The following SERINC2 variants were observed in gnomAD, a reference collection of about 807,000 sequenced individuals.
The protein encoded by SERINC2 is tumor differentially expressed protein 2.
In SERINC2, 56 loss-of-function variants were observed where a neutral mutation model predicts 54.2. The ratio of observed to expected loss-of-function variants is 1.03; its 90% CI spans 0.83 to 1.29. SERINC2 has a LOEUF of 1.29. Among genes scored for constraint, SERINC2 ranks in the 50% most tolerant of loss-of-function variants. SERINC2 has a pLI of 0.00. For missense variants in SERINC2, 614 were observed against 607.4 expected (o/e 1.01, Z -0.12); for synonymous variants, 272 against 253.1 (o/e 1.07, Z -0.71).
Position 31,419,367 on chromosome 1 carries a change from A to C in SERINC2, c.40-4326A>C, listed in dbSNP as rs143544594. Among the ~76,000 whole-genome samples the C allele has an allele frequency of 2.8e-4, 43 of 152,290 alleles. No individual in the cohort carries two copies. The East Asian group carries it at 6.7e-3, about 24-fold the overall frequency. ...AAGCTTATTTAAGTTTTTTCTTTAT[A>C]TAAAAATCTTTATTTTTATATTTGT... On this transcript the variant is annotated intron_variant, in intron 1 of 9. Coordinates refer to ENST00000373709, the MANE Select transcript of SERINC2 (RefSeq NM_178865.5).
chr1:31,425,558 G>A, intron 4 of SERINC2, 149 bp downstream of exon 4: 1 of 883,122 alleles, frequency 1.1e-6, no homozygotes, highest in Non-Finnish European at 1.8e-6. Flanking sequence ...AGACAGCACT[G>A]TGGTGCTTGG....
At chr1:31,430,824 A>C (rs377656035) in intron 8 of SERINC2, among the ~76,000 whole-genome samples, 1 of 152,074 alleles carries the variant, frequency 6.6e-6, no homozygotes, top group Non-Finnish European at 1.5e-5. Context: ...TTCTCCAAGC[A>C]CCACTTTCCA....
At chr1:31,422,112 A>G (rs2148516241) in intron 1 of SERINC2, among the ~76,000 whole-genome samples, 1 of 152,106 alleles carries the variant, frequency 6.6e-6, no homozygotes, top group African/African-American at 2.4e-5. Context: ...CAGTCTGGGC[A>G]ACGTGGTGAA....
intron 8 of SERINC2, among the ~76,000 whole-genome samples, chr1:31,432,075 C>G (rs112385787): frequency 0.081 from 1,043 of 12,824 alleles, 32 homozygotes; most frequent in Non-Finnish European, 0.085. Flanking sequence ...ACAGGGTGGA[C>G]AGGGTGGTTA....
rs2148515751 is a variant in SERINC2 at position 31,421,578 on chromosome 1, A to C, written c.40-2115A>C. 1.3e-5 allele frequency among the ~76,000 whole-genome samples: 2 copies of C among 152,294 alleles called. 1 individual carries two copies. The highest frequency in any genetic ancestry group is 4.1e-4 in the South Asian group (2 of 4,828). ...GAGCATTTCTAGTTTGGGGGAGAGT[A>C]AGAGGGGAGGCAGATGCCCGCCAGC... is the stretch of plus-strand genomic sequence containing the variant. On this transcript the variant is annotated intron_variant, in intron 1 of 9. Transcript: ENST00000373709.
At position 31,423,860 on chromosome 1, in the gene SERINC2, T is replaced by G. The variant is rs1553133094; in HGVS notation, c.201+6T>G. The G allele has an allele frequency of 6.2e-7, 1 of 1,613,218 alleles. No individual in the cohort carries two copies. The highest frequency in any genetic ancestry group is 2.2e-5 in the East Asian group (1 of 44,862). On this transcript the variant is annotated splice_donor_region_variant and intron_variant, in intron 2 of 9. Coordinates refer to ENST00000373709, the MANE Select transcript of SERINC2 (RefSeq NM_178865.5). ...TGGAGAGTCAGCTCTACAAGGTGAG[T>G]GCCCCAGGGGAGGCAGGGCGGCCTC...
chr1:31,432,102 C>CAGGGTGGAT (rs1641286003), intron 8 of SERINC2, among the ~76,000 whole-genome samples: 2 of 13,122 alleles, frequency 1.5e-4, no homozygotes, highest in East Asian at 3.0e-3. Context: ...ACAGGGTGGA[C>CAGGGTGGAT]AGGGTGGATA....
Position 31,432,961 on chromosome 1 carries a change from C to T in SERINC2, c.1014-6C>T. 6.2e-7 allele frequency: 1 copy of T among 1,604,704 alleles called. No individual in the cohort carries two copies. The highest frequency in any genetic ancestry group is 8.5e-7 in the Non-Finnish European group (1 of 1,176,214). ...CTATTTGCCCACCTTCCTCCCTCCC[C>T]TGCAGTCTGCGCTCCTCAGACCACC... On this transcript the variant is annotated splice_polypyrimidine_tract_variant and splice_region_variant and intron_variant, in intron 8 of 9. Transcript: ENST00000373709.
At chr1:31,431,918 T>TGGACAG (rs1553134591) in intron 8 of SERINC2, among the ~76,000 whole-genome samples, 1 of 142,904 alleles carries the variant, frequency 7.0e-6, no homozygotes, top group Admixed American at 7.0e-5. Flanking sequence ...GTGGATAGGG[T>TGGACAG]GGTTAGGGTG....
chr1:31,431,508 G>T (rs1367727637), intron 8 of SERINC2, among the ~76,000 whole-genome samples: 1 of 151,788 alleles, frequency 6.6e-6, no homozygotes, highest in Non-Finnish European at 1.5e-5. Context: ...AAGGAGCTTG[G>T]AACTCTTTCC....
intron 2 of SERINC2, among the ~76,000 whole-genome samples, chr1:31,424,179 C>G (rs781837864): frequency 6.6e-6 from 1 of 152,176 alleles, no homozygotes; most frequent in Non-Finnish European, 1.5e-5. Context: ...TGTTTTACAG[C>G]CTAGCACAGA....
Position 31,413,964 on chromosome 1 carries a change from C to G in SERINC2, c.39+660C>G. The G allele has an allele frequency of 6.5e-7, 1 of 1,528,932 alleles. No individual in the cohort carries two copies. 94.7% of individuals were successfully genotyped at this position (1,528,932 alleles called of 1,614,324 possible). ...AGTCTGGCTCGCGCTGCCTCTCAGG[C>G]ACTTCCCCAGCTCGCCCCGGATCAT... On this transcript the variant is annotated intron_variant, in intron 1 of 9. Transcript: ENST00000373709. This position sits in a 1 kb window ranked among gnomAD's most constrained non-coding sequence, Gnocchi z 5.0.
rs1219321129 is a variant in SERINC2, at chr1:31,414,135, T to G, written c.39+831T>G. The G allele has an allele frequency of 3.6e-5, 51 of 1,423,230 alleles. No individual in the cohort carries two copies. The East Asian group carries it at 4.1e-4, about 11-fold the overall frequency. 88.2% of individuals were successfully genotyped at this position (1,423,230 alleles called of 1,614,324 possible). On this transcript the variant is annotated intron_variant, in intron 1 of 9. Transcript: ENST00000373709. The stretch of plus-strand genomic sequence containing the variant: ...GCAGGAATCGAGGGAGGTTCGGGTG[T>G]GCGCGGGGAGTGCCCGGTCGCGGGT...
At chr1:31,429,128 C>G (rs1641125600) in intron 7 of SERINC2, 60 bp downstream of exon 7, 5 of 1,455,076 alleles carry the variant, frequency 3.4e-6, no homozygotes, top group Non-Finnish European at 4.8e-6. Context: ...TATCAGTCTA[C>G]TGTGGGGCTG....
chr1:31,413,687 C>T lies in SERINC2; in HGVS notation c.39+383C>T, dbSNP rs1469700897. ...TCCTCGGGGTGGCCTCTGTCCCCGT[C>T]CCGGACGCCCTGGTTCTCTGTGTAG... On this transcript the variant is annotated intron_variant, in intron 1 of 9. Coordinates refer to ENST00000373709, the MANE Select transcript of SERINC2 (RefSeq NM_178865.5). This position sits in a 1 kb window ranked among gnomAD's most constrained non-coding sequence, Gnocchi z 5.0. The T allele has an allele frequency of 9.1e-7, 1 of 1,095,706 alleles. No homozygotes were observed. Among genetic ancestry groups the T allele is most frequent in the East Asian group, 3.9e-5 (1 of 25,946 alleles). 67.9% of individuals were successfully genotyped at this position (1,095,706 alleles called of 1,614,324 possible).
chr1:31,432,551 A>G lies in SERINC2; in HGVS notation c.1014-416A>G, dbSNP rs1394154766. ...AATTATTAACATTCTTAATGGATGT[A>G]GTACCTGGTATGGTACTTTGTAGTA... On this transcript the variant is annotated intron_variant, in intron 8 of 9. Transcript: ENST00000373709. 2.6e-5 allele frequency among the ~76,000 whole-genome samples: 4 copies of G among 152,174 alleles called. No homozygotes were observed. In the East Asian group the frequency reaches 7.7e-4, roughly 29 times the overall value.
chr1:31,426,045 A>G (rs1557495092), intron 5 of SERINC2, 132 bp downstream of exon 5: 4 of 954,770 alleles, frequency 4.2e-6, no homozygotes, highest in Admixed American at 5.1e-5. Context: ...TTAGGTCAAG[A>G]TTCCAATTGT....
chr1:31,433,321 C>T (rs1641377911), intron 9 of SERINC2, 136 bp downstream of exon 9: 1 of 699,098 alleles, frequency 1.4e-6, no homozygotes, highest in East Asian at 2.7e-5. Context: ...AAGGACCCTC[C>T]ATAGAGCCTG....
chr1:31,428,422 G>A (rs1159710312), intron 6 of SERINC2, among the ~76,000 whole-genome samples: 3 of 152,194 alleles, frequency 2.0e-5, no homozygotes, highest in Non-Finnish European at 4.4e-5. Flanking sequence ...GGCAACAGGG[G>A]ACTAGGCCCA....
Sources: allele counts gnomAD v4.1 joint callset (sites outside exome capture counted in the v4.1 genomes callset), GRCh38; gene constraint gnomAD v4.1.1; non-coding constraint Gnocchi (gnomAD v3.1); transcripts MANE v1.5; gene names NCBI Gene and HGNC (gene_info 2026-07-23, HGNC 2026-07-21).